The following DIAPH2 variants were observed in gnomAD, a reference collection of about 807,000 sequenced individuals.
DIAPH2 encodes protein diaphanous homolog 2.
A neutral mutation model predicts 92.7 loss-of-function variants in DIAPH2; 35 were observed. That is an observed-to-expected ratio of 0.38 (90% confidence interval 0.29 to 0.50). The LOEUF (loss-of-function observed/expected upper bound fraction) is 0.50. DIAPH2 is among the 20% of genes least tolerant of loss of function. The pLI, the probability that DIAPH2 is intolerant of heterozygous loss-of-function variation, is 0.94. For synonymous variants in DIAPH2, 301 were observed against 280.4 expected (o/e 1.07, Z -0.73); for missense variants, 701 against 819.5 (o/e 0.86, Z 1.77).
At chrX:97,211,291 A>G (rs1204630733) in intron 22 of DIAPH2, among the ~76,000 whole-genome samples, 2 of 110,870 alleles carry the variant, frequency 1.8e-5, no homozygotes, top group Non-Finnish European at 3.8e-5. Context: ...GTAATGTTCT[A>G]TCAGTTTTTA....
chrX:96,999,056 G>A (rs1490025174), intron 17 of DIAPH2, among the ~76,000 whole-genome samples: 1 of 111,896 alleles, frequency 8.9e-6, no homozygotes, highest in Non-Finnish European at 1.9e-5. Flanking sequence ...TTCAGGGACT[G>A]TGACCTACAC....
At chrX:97,381,587 C>G (rs1468745893) in intron 24 of DIAPH2, among the ~76,000 whole-genome samples, 1 of 111,007 alleles carries the variant, frequency 9.0e-6, no homozygotes, top group Non-Finnish European at 1.9e-5. Context: ...AACTGAGAAG[C>G]CTGTATTTTA....
intron 5 of DIAPH2, among the ~76,000 whole-genome samples, chrX:96,894,228 T>C (rs1033269515): frequency 8.2e-5 from 9 of 109,188 alleles, no homozygotes; most frequent in Non-Finnish European, 1.1e-4. Context: ...TTGGAGGATA[T>C]TGCCTGAGTA....
chrX:97,527,435 A>C (rs909899167), intron 26 of DIAPH2, among the ~76,000 whole-genome samples: 6 of 112,067 alleles, frequency 5.4e-5, no homozygotes, highest in African/African-American at 1.9e-4. Context: ...AAATACAGGC[A>C]GTCCCTATCT....
intron 15 of DIAPH2, among the ~76,000 whole-genome samples, chrX:96,954,497 C>A (rs890293449): frequency 8.9e-6 from 1 of 111,889 alleles, no homozygotes; most frequent in African/African-American, 3.2e-5. Context: ...AATGTTATAT[C>A]CTCCTCATAA....
At chrX:97,467,381 A>T (rs1037232958) in intron 26 of DIAPH2, among the ~76,000 whole-genome samples, 12 of 112,208 alleles carry the variant, frequency 1.1e-4, no homozygotes, top group Non-Finnish European at 1.7e-4. Context: ...CCTTCTTTGT[A>T]GTAGACTAGT....
At chrX:97,154,400 A>G (rs2067307433) in intron 22 of DIAPH2, among the ~76,000 whole-genome samples, 1 of 112,084 alleles carries the variant, frequency 8.9e-6, no homozygotes, top group African/African-American at 3.2e-5. Flanking sequence ...TATAAATTTA[A>G]TATAAACTGA....
chrX:97,159,588 G>A (rs1417091334), intron 22 of DIAPH2, among the ~76,000 whole-genome samples: 1 of 111,819 alleles, frequency 8.9e-6, no homozygotes, highest in South Asian at 3.8e-4. Flanking sequence ...CCAAAGATTA[G>A]TGTGTGCCAC....
intron 23 of DIAPH2, among the ~76,000 whole-genome samples, chrX:97,316,856 C>T (rs930547469): frequency 8.9e-6 from 1 of 111,831 alleles, no homozygotes; most frequent in African/African-American, 3.2e-5. Flanking sequence ...GCAACAGTCT[C>T]ATGTAGATGG....
intron 24 of DIAPH2, among the ~76,000 whole-genome samples, chrX:97,383,124 C>T (rs1691477168): frequency 8.9e-6 from 1 of 112,281 alleles, no homozygotes; most frequent in African/African-American, 3.2e-5. Flanking sequence ...TGTACTCATT[C>T]ACTTATGTTC....
intron 4 of DIAPH2, among the ~76,000 whole-genome samples, chrX:96,866,705 T>C (rs2065106782): frequency 8.9e-6 from 1 of 112,216 alleles, no homozygotes; most frequent in African/African-American, 3.2e-5. Context: ...GGCTCATTCA[T>C]TTTGTGAGAA....
chrX:97,130,472 C>T (rs761610233), intron 21 of DIAPH2, among the ~76,000 whole-genome samples: 3 of 111,592 alleles, frequency 2.7e-5, no homozygotes, highest in African/African-American at 6.5e-5. Flanking sequence ...AATGAATCTC[C>T]GTGATGTTAT....
chrX:96,978,703 C>A lies in DIAPH2; in HGVS notation c.2050+13496C>A, dbSNP rs188626997. On this transcript the variant is annotated intron_variant, in intron 17 of 26. Coordinates refer to ENST00000324765, the MANE Select transcript of DIAPH2 (RefSeq NM_006729.5). Reference sequence around the variant, plus strand: ...TTATGGCTGCATAACCCAATATCCCCAAATTTAGCAATTAATAGAACACTC... The same window carrying A: ...TTATGGCTGCATAACCCAATATCCCAAAATTTAGCAATTAATAGAACACTC... Among the ~76,000 whole-genome samples, 675 of 110,176 alleles carry A rather than the reference C, an allele frequency of 6.1e-3. 5 individuals carry two copies. The highest frequency in any genetic ancestry group is 0.021 in the African/African-American group (646 of 30,244).
At chrX:97,064,248 CA>C (rs2066619186) in intron 17 of DIAPH2, among the ~76,000 whole-genome samples, 1 of 111,881 alleles carries the variant, frequency 8.9e-6, no homozygotes, top group Non-Finnish European at 1.9e-5. Flanking sequence ...AACTGCTTTT[CA>C]AAGACTCTCC....
Position 96,958,004 on chromosome X carries a change from A to G in DIAPH2, c.1791A>G (p.Pro597=), listed in dbSNP as rs1779750164. 8.3e-7 allele frequency: 1 copy of G among 1,207,678 alleles called. No homozygotes were observed. The highest frequency in any genetic ancestry group is 1.8e-5 in the South Asian group (1 of 56,575). ...GGATACCACCACCACCCCCACCACC[A>G]CTTTTATTTGGGGGACCTCCTCCAC... The part of the protein sequence containing the change: ...MMGIPPPPPP[P]LLFGGPPPPP... Residue 597 remains proline (P), a synonymous_variant, in exon 16 of 27, where the codon CCA becomes CCG. Transcript: ENST00000324765.
chrX:97,176,916 T>C (rs2067497185), intron 22 of DIAPH2, among the ~76,000 whole-genome samples: 1 of 112,116 alleles, frequency 8.9e-6, no homozygotes, highest in African/African-American at 3.2e-5. Flanking sequence ...GCATATAACC[T>C]ATGCACATCC....
chrX:96,707,492 A>G (rs1353944747), intron 1 of DIAPH2, among the ~76,000 whole-genome samples: 2 of 109,098 alleles, frequency 1.8e-5, no homozygotes, highest in Non-Finnish European at 3.8e-5. Context: ...AATTTTTAGT[A>G]CAAAAATTAA....
chrX:97,432,452 G>A (rs2070136495), intron 26 of DIAPH2, among the ~76,000 whole-genome samples: 1 of 109,358 alleles, frequency 9.1e-6, no homozygotes, highest in African/African-American at 3.3e-5. Context: ...ATACCACCAT[G>A]CCCAGCTAAT....
chrX:97,445,654 G>T (rs1410336860), intron 26 of DIAPH2, among the ~76,000 whole-genome samples: 2 of 107,129 alleles, frequency 1.9e-5, no homozygotes, highest in African/African-American at 6.8e-5. Context: ...CACCCTGTTG[G>T]CCAGGATAGT....
Sources: allele counts gnomAD v4.1 joint callset (sites outside exome capture counted in the v4.1 genomes callset), GRCh38; gene constraint gnomAD v4.1.1; transcripts MANE v1.5; gene names NCBI Gene and HGNC (gene_info 2026-07-23, HGNC 2026-07-21).